The following RBFOX1 variants were observed in gnomAD, a reference collection of about 807,000 sequenced individuals.
RBFOX1 encodes the protein RNA binding protein fox-1 homolog 1.
Under a neutral mutation model 57.7 loss-of-function variants are expected in RBFOX1, and 8 were observed. That is an observed-to-expected ratio of 0.14 (90% CI 0.08 to 0.25). The LOEUF (loss-of-function observed/expected upper bound fraction) is 0.25, where lower values mean the gene tolerates loss of function less well. Ranked by LOEUF, RBFOX1 falls within the 10% of genes least tolerant of loss-of-function variation. The pLI is 1.00. For synonymous variants in RBFOX1, 326 were observed against 222.4 expected (o/e 1.47, Z -4.15); for missense variants, 611 against 548.5 (o/e 1.11, Z -1.14).
rs571901438 is a variant in RBFOX1, at chr16:7,414,501, T to C, written c.28-103646T>C. On this transcript the variant is annotated intron_variant, in intron 4 of 15. Coordinates refer to ENST00000550418, the MANE Select transcript of RBFOX1 (RefSeq NM_018723.4). Reference sequence around the variant, plus strand: ...TTAACACAGATCTGTAGTAGTCATCTTGAGTGTTTTTCTTTTGATAGAAAA... The same window carrying C: ...TTAACACAGATCTGTAGTAGTCATCCTGAGTGTTTTTCTTTTGATAGAAAA... Among the ~76,000 whole-genome samples, 9 of 152,364 alleles carry C rather than the reference T, an allele frequency of 5.9e-5. No homozygotes were observed. In the South Asian group the frequency reaches 1.9e-3, roughly 32 times the overall value.
intron 3 of RBFOX1, among the ~76,000 whole-genome samples, chr16:6,696,685 CA>C (rs2061098819): frequency 1.9e-5 from 1 of 53,234 alleles, no homozygotes; most frequent in Admixed American, 2.1e-4. Flanking sequence ...TTTTATATCT[CA>C]AAGGAGATTT....
At chr16:5,894,582 A>G (rs9926429) in intron 4 of RBFOX1, among the ~76,000 whole-genome samples, 39,416 of 152,030 alleles carry the variant, frequency 0.26, 5,248 homozygotes, top group Middle Eastern at 0.33. Flanking sequence ...GTTACTAAAA[A>G]CATTTTAAAG....
At chr16:5,964,255 T>C (rs2059803492) in intron 4 of RBFOX1, among the ~76,000 whole-genome samples, 3 of 152,084 alleles carry the variant, frequency 2.0e-5, no homozygotes, top group Admixed American at 2.0e-4. Context: ...TAAGTGTTGG[T>C]GACGTTGTGG....
intron 2 of RBFOX1, among the ~76,000 whole-genome samples, chr16:6,561,856 T>C (rs769424558): frequency 2.0e-5 from 3 of 152,184 alleles, no homozygotes; most frequent in Non-Finnish European, 4.4e-5. Flanking sequence ...ATCCACAAGT[T>C]GGATTCTGGT....
chr16:5,270,340 A>G (rs1312922603), intron 1 of RBFOX1: 1 of 894,784 alleles, frequency 1.1e-6, no homozygotes, highest in Non-Finnish European at 1.8e-6. Context: ...GAGGAACCCA[A>G]ATTGCATCTG....
intron 3 of RBFOX1, among the ~76,000 whole-genome samples, chr16:6,953,640 G>A (rs1337935941): frequency 6.6e-6 from 1 of 152,104 alleles, no homozygotes; most frequent in Non-Finnish European, 1.5e-5. Context: ...ACTCATCTCG[G>A]CCTCCCAAAG....
At chr16:5,568,424 C>T (rs1348848226) in intron 2 of RBFOX1, among the ~76,000 whole-genome samples, 1 of 152,168 alleles carries the variant, frequency 6.6e-6, no homozygotes, top group Non-Finnish European at 1.5e-5. Context: ...TGATCCCTTC[C>T]CTCAAAGCCC....
At chr16:7,401,058 AT>A (rs2098234268) in intron 4 of RBFOX1, among the ~76,000 whole-genome samples, 1 of 152,242 alleles carries the variant, frequency 6.6e-6, no homozygotes, top group South Asian at 2.1e-4. Context: ...GAGAGGGGGT[AT>A]CCAAAATACA....
intron 3 of RBFOX1, among the ~76,000 whole-genome samples, chr16:5,813,825 TCTGA>T (rs1325965867): frequency 6.6e-6 from 1 of 152,258 alleles, no homozygotes; most frequent in Non-Finnish European, 1.5e-5. Flanking sequence ...AGTGATTTAT[TCTGA>T]CTGTGAACTT....
chr16:6,944,099 C>T (rs889004565), intron 3 of RBFOX1, among the ~76,000 whole-genome samples: 12 of 152,140 alleles, frequency 7.9e-5, no homozygotes, highest in African/African-American at 2.4e-4. Context: ...CTAGACTCTA[C>T]TTAAGACCAC....
chr16:6,620,177 A>C (rs1480732467), intron 2 of RBFOX1, among the ~76,000 whole-genome samples: 1 of 152,220 alleles, frequency 6.6e-6, no homozygotes. Flanking sequence ...AACTAAATTC[A>C]AAATCAGTCA....
chr16:5,955,752 A>G (rs1431815588), intron 4 of RBFOX1, among the ~76,000 whole-genome samples: 1 of 152,220 alleles, frequency 6.6e-6, no homozygotes, highest in Non-Finnish European at 1.5e-5. Context: ...AAATGGAAAT[A>G]TTAGTATCAG....
chr16:6,754,508 C>T (rs1247580408), intron 3 of RBFOX1, among the ~76,000 whole-genome samples: 1 of 152,164 alleles, frequency 6.6e-6, no homozygotes, highest in African/African-American at 2.4e-5. Flanking sequence ...AATTGAAGCA[C>T]TCTTCGGGTT....
intron 4 of RBFOX1, among the ~76,000 whole-genome samples, chr16:7,211,259 G>A (rs949230623): frequency 1.3e-5 from 2 of 151,726 alleles, no homozygotes; most frequent in Non-Finnish European, 2.9e-5. Flanking sequence ...AGGTGTGGTG[G>A]TGGGCCCCTG....
At chr16:6,117,892 TAA>T (rs2096514348) in intron 1 of RBFOX1, among the ~76,000 whole-genome samples, 1 of 152,228 alleles carries the variant, frequency 6.6e-6, no homozygotes, top group South Asian at 2.1e-4. Flanking sequence ...CCACCATGAT[TAA>T]ATATTTTCTT....
intron 2 of RBFOX1, among the ~76,000 whole-genome samples, chr16:6,431,909 C>A (rs973495908): frequency 8.7e-6 from 1 of 115,030 alleles, no homozygotes; most frequent in Admixed American, 8.3e-5. Flanking sequence ...TTCTTTCTTT[C>A]TTTCTTTCTT....
At chr16:5,272,993 T>A (rs567612706) in intron 1 of RBFOX1, among the ~76,000 whole-genome samples, 49 of 152,304 alleles carry the variant, frequency 3.2e-4, no homozygotes, top group African/African-American at 1.2e-3. Flanking sequence ...TTCTTTAAAC[T>A]TTCAAACTCT....
At chr16:6,524,746 G>A (rs754286062) in intron 2 of RBFOX1, among the ~76,000 whole-genome samples, 1 of 152,260 alleles carries the variant, frequency 6.6e-6, no homozygotes. Flanking sequence ...CTTGTCCACA[G>A]CCTCCGTTGG....
intron 3 of RBFOX1, among the ~76,000 whole-genome samples, chr16:6,694,887 G>A (rs2060787674): frequency 1.3e-5 from 2 of 152,058 alleles, no homozygotes; most frequent in Middle Eastern, 3.4e-3. Flanking sequence ...GCAACACACA[G>A]AAGACAGCAT....
Sources: gnomAD v4.1 joint callset for allele counts (sites outside exome capture counted in the v4.1 genomes callset) on GRCh38, gnomAD v4.1.1 for gene constraint, MANE v1.5 for transcripts, NCBI Gene and HGNC (gene_info 2026-07-23, HGNC 2026-07-21) for gene names.